CDC42BPB: variants seen among roughly 807,000 people sequenced by gnomAD.
CDC42BPB encodes the protein serine/threonine-protein kinase MRCK beta.
In CDC42BPB, 37 loss-of-function variants were observed where a neutral mutation model predicts 214.9. The observed-to-expected ratio is 0.17, with a 90% CI of 0.13 to 0.23. The LOEUF is 0.23. Among genes scored for constraint, CDC42BPB ranks in the 10% least tolerant of loss-of-function variants. The probability of loss-of-function intolerance (pLI) is 1.00; values close to 1 mark genes in which losing one functional copy is unlikely to be tolerated. For synonymous variants in CDC42BPB, 931 were observed against 884.0 expected (o/e 1.05, Z -0.94); for missense variants, 1,694 against 2,227.0 (o/e 0.76, Z 4.82).
chr14:102,994,638 T>G (rs1344326887), intron 5 of CDC42BPB, among the ~76,000 whole-genome samples: 1 of 152,156 alleles, frequency 6.6e-6, no homozygotes, highest in Non-Finnish European at 1.5e-5. Flanking sequence ...AGCTCTAGGC[T>G]CCCCCAAGTG....
intron 1 of CDC42BPB, chr14:103,041,465 A>T (rs1566922542): frequency 8.5e-7 from 1 of 1,181,780 alleles, no homozygotes; most frequent in Non-Finnish European, 1.2e-6. Context: ...GGCTCTAGGC[A>T]GCCATGGCGC....
chr14:103,025,528 A>AG (rs938579887), intron 1 of CDC42BPB, among the ~76,000 whole-genome samples: 6 of 152,020 alleles, frequency 3.9e-5, no homozygotes, highest in Non-Finnish European at 7.4e-5. Flanking sequence ...AAGAAAAAAA[A>AG]AAGGAGGAGC....
chr14:102,992,728 C>A (rs1894548682), intron 5 of CDC42BPB, among the ~76,000 whole-genome samples: 1 of 150,354 alleles, frequency 6.7e-6, no homozygotes, highest in Admixed American at 6.6e-5. Context: ...AGGAAAACAT[C>A]TGCTGAATAT....
chr14:103,034,749 C>T (rs1167077054), intron 1 of CDC42BPB, among the ~76,000 whole-genome samples: 2 of 148,802 alleles, frequency 1.3e-5, no homozygotes, highest in East Asian at 2.0e-4. Flanking sequence ...ACCCGGGAGG[C>T]GGAGGTTGCA....
Position 102,970,152 on chromosome 14 carries a change from T to C in CDC42BPB, c.1994A>G (p.Lys665Arg), listed in dbSNP as rs745647838. The C allele has an allele frequency of 1.7e-5, 27 of 1,612,156 alleles. 1 individual carries two copies. The highest frequency in any genetic ancestry group is 2.3e-5 in the Non-Finnish European group (27 of 1,179,476). Residue 665 changes from lysine to arginine, a missense_variant and splice_region_variant, in exon 14 of 37, where the codon AAG becomes AGG. This residue lies in a region of CDC42BPB where 462 missense variants were observed against 513.5 expected (regional missense o/e 0.90). Transcript: ENST00000361246. ...GCAGAGACCCCCGCCCAGCACTACCTTGAGGGCCTCCAGCTCGCTTTCCAT... is the reference window on the plus strand; with the variant it reads ...GCAGAGACCCCCGCCCAGCACTACCCTGAGGGCCTCCAGCTCGCTTTCCAT... ...KQMESELEALKVKQGGRGAGA... is the reference protein window; with the variant it reads ...KQMESELEALRVKQGGRGAGA...
intron 12 of CDC42BPB, 134 bp from the exon 13 acceptor site, chr14:102,972,295 A>G (rs962106969): frequency 6.7e-7 from 1 of 1,499,014 alleles, no homozygotes; most frequent in Admixed American, 2.4e-5. Context: ...CACAGATCTG[A>G]GCTGCTTGGA....
chr14:103,009,149 G>A (rs943981541), intron 2 of CDC42BPB, among the ~76,000 whole-genome samples: 1 of 152,156 alleles, frequency 6.6e-6, no homozygotes, highest in African/African-American at 2.4e-5. Flanking sequence ...CAGTGACAGC[G>A]GCTTCCATAC....
chr14:102,982,442 A>G (rs1292758333), intron 7 of CDC42BPB, among the ~76,000 whole-genome samples: 3 of 152,178 alleles, frequency 2.0e-5, no homozygotes, highest in Admixed American at 6.5e-5. Flanking sequence ...TGCTATGAGC[A>G]CGCTGGTAGA....
intron 25 of CDC42BPB, 84 bp downstream of exon 25, chr14:102,950,379 GGCT>G: frequency 6.6e-7 from 1 of 1,523,750 alleles, no homozygotes; most frequent in Non-Finnish European, 9.0e-7. Context: ...CGCAGCAAGG[GGCT>G]GCTTTCAAGA....
intron 2 of CDC42BPB, among the ~76,000 whole-genome samples, chr14:103,011,406 G>A (rs1304463452): frequency 2.6e-5 from 4 of 152,186 alleles, no homozygotes; most frequent in African/African-American, 9.7e-5. Flanking sequence ...ATGCCAAGAA[G>A]TCAAAATTCA....
intron 5 of CDC42BPB, among the ~76,000 whole-genome samples, chr14:102,996,309 C>T (rs1212502575): frequency 4.6e-5 from 7 of 152,072 alleles, no homozygotes; most frequent in African/African-American, 1.7e-4. Flanking sequence ...CACTGCACTC[C>T]AGCCTGGGTG....
At position 102,933,585 on chromosome 14, in the gene CDC42BPB, T is replaced by G. The variant is rs57314686; in HGVS notation, c.*127A>C. ...ATCAATATTATAATAAAGATTTGTC[T>G]TCTTCATCTCCATATCTACAAAGTG... is the stretch of plus-strand genomic sequence containing the variant. On this transcript the variant is annotated 3_prime_UTR_variant, in exon 37 of 37. Transcript: ENST00000361246. 10 of 739,406 alleles carry G rather than the reference T, an allele frequency of 1.4e-5. No individual in the cohort carries two copies. In the East Asian group the frequency reaches 1.4e-4, roughly 10 times the overall value. The allele number at this position is 739,406 out of a possible 1,614,324, so 45.8% of individuals were successfully genotyped here. A position where few individuals can be genotyped will look rare whatever the true frequency, so the allele number is the denominator to read the frequency against.
intron 1 of CDC42BPB, among the ~76,000 whole-genome samples, chr14:103,040,135 G>A (rs761871115): frequency 1.6e-4 from 24 of 152,082 alleles, no homozygotes; most frequent in Non-Finnish European, 3.2e-4. Context: ...TGGGTGGATC[G>A]CCTGAGGTCA....
intron 9 of CDC42BPB, among the ~76,000 whole-genome samples, chr14:102,977,219 G>A (rs551921549): frequency 1.1e-3 from 167 of 151,888 alleles, no homozygotes; most frequent in African/African-American, 3.8e-3. Context: ...GGCGCCTGTA[G>A]TCCCAGCTAC....
At chr14:102,963,638 G>C (rs1893056053) in intron 19 of CDC42BPB, among the ~76,000 whole-genome samples, 1 of 152,266 alleles carries the variant, frequency 6.6e-6, no homozygotes, top group Non-Finnish European at 1.5e-5. Context: ...GAGGGATGCA[G>C]TTTGTGGGGG....
At chr14:103,007,816 G>A (rs1885926804) in intron 3 of CDC42BPB, among the ~76,000 whole-genome samples, 1 of 152,190 alleles carries the variant, frequency 6.6e-6, no homozygotes. Flanking sequence ...CAACTGGCCA[G>A]GAAGGGCCTG....
chr14:102,954,926 G>C (rs758283672), intron 21 of CDC42BPB: 6 of 400,424 alleles, frequency 1.5e-5, no homozygotes, highest in African/African-American at 2.2e-5. Flanking sequence ...TGGTGATTGC[G>C]TGGGCAGGTG....
At chr14:102,952,176 T>G (rs1892519089) in intron 24 of CDC42BPB, among the ~76,000 whole-genome samples, 2 of 151,970 alleles carry the variant, frequency 1.3e-5, no homozygotes, top group Non-Finnish European at 1.5e-5. Flanking sequence ...GTGAGATCCC[T>G]CAACTCTCTA....
intron 27 of CDC42BPB, among the ~76,000 whole-genome samples, chr14:102,947,142 G>A (rs1892218807): frequency 6.6e-6 from 1 of 152,140 alleles, no homozygotes; most frequent in Non-Finnish European, 1.5e-5. Flanking sequence ...TGTATGACAG[G>A]GTTGTTTCTG....
Sources: gnomAD v4.1 joint callset for allele counts (sites outside exome capture counted in the v4.1 genomes callset) on GRCh38, gnomAD v4.1.1 for gene constraint, gnomAD v4.1.1 regional missense constraint, MANE v1.5 for transcripts, NCBI Gene and HGNC (gene_info 2026-07-23, HGNC 2026-07-21) for gene names.